The following ST6GALNAC3 variants were observed in gnomAD, a reference collection of about 807,000 sequenced individuals.
ST6GALNAC3 encodes alpha-N-acetylgalactosaminide alpha-2,6-sialyltransferase 3.
Under a neutral mutation model 32.7 loss-of-function variants are expected in ST6GALNAC3, and 25 were observed. The observed-to-expected ratio is 0.76, with a 90% CI of 0.56 to 1.07. The LOEUF (loss-of-function observed/expected upper bound fraction) is 1.07, where lower values mean the gene tolerates loss of function less well. ST6GALNAC3 is among the 50% of genes least tolerant of loss of function. ST6GALNAC3 has a pLI of 0.00. For synonymous variants in ST6GALNAC3, 129 were observed against 133.1 expected, an observed-to-expected ratio of 0.97 and a Z score of 0.21; for missense variants, 355 against 382.4, an observed-to-expected ratio of 0.93 and a Z score of 0.60.
intron 1 of ST6GALNAC3, 97 bp downstream of exon 1, chr1:76,074,981 A>C: frequency 1.8e-5 from 26 of 1,447,838 alleles, no homozygotes; most frequent in Non-Finnish European, 2.4e-5. Flanking sequence ...TCCTCATCTC[A>C]GTTGTCTTTT....
chr1:76,268,686 A>G (rs1352095637), intron 1 of ST6GALNAC3, among the ~76,000 whole-genome samples: 1 of 152,222 alleles, frequency 6.6e-6, no homozygotes, highest in East Asian at 1.9e-4. Context: ...ATACTTGAGG[A>G]AGCAAAGTAG....
intron 1 of ST6GALNAC3, among the ~76,000 whole-genome samples, chr1:76,188,902 C>A (rs1653733814): frequency 6.6e-6 from 1 of 152,192 alleles, no homozygotes; most frequent in African/African-American, 2.4e-5. Context: ...CTGCACACTT[C>A]AATCCCATGC....
At chr1:76,572,101 G>A (rs1330764001) in intron 3 of ST6GALNAC3, among the ~76,000 whole-genome samples, 3 of 150,278 alleles carry the variant, frequency 2.0e-5, no homozygotes, top group Admixed American at 2.0e-4. Flanking sequence ...ATTCAGAATT[G>A]TTGCTATCAT....
intron 3 of ST6GALNAC3, among the ~76,000 whole-genome samples, chr1:76,534,625 C>T (rs1321584695): frequency 6.6e-6 from 1 of 152,182 alleles, no homozygotes; most frequent in East Asian, 1.9e-4. Context: ...TCCTACTCCA[C>T]CCAACACTAC....
At chr1:76,381,470 TG>T (rs1358204773) in intron 2 of ST6GALNAC3, among the ~76,000 whole-genome samples, 4 of 152,152 alleles carry the variant, frequency 2.6e-5, no homozygotes, top group Non-Finnish European at 5.9e-5. Flanking sequence ...TATTTAGTGA[TG>T]TCTGCTATTT....
chr1:76,525,807 A>G (rs558253864), intron 3 of ST6GALNAC3, among the ~76,000 whole-genome samples: 2,311 of 128,388 alleles, frequency 0.018, 178 homozygotes, highest in Non-Finnish European at 0.028. Context: ...ATATATATAT[A>G]TATATATATA....
chr1:76,408,871 A>G (rs1391188169), intron 2 of ST6GALNAC3, among the ~76,000 whole-genome samples: 1 of 152,108 alleles, frequency 6.6e-6, no homozygotes, highest in Non-Finnish European at 1.5e-5. Context: ...CCCCCGCACC[A>G]TATGCATCTT....
intron 3 of ST6GALNAC3, among the ~76,000 whole-genome samples, chr1:76,548,367 A>C (rs777570293): frequency 1.3e-4 from 20 of 152,140 alleles, no homozygotes; most frequent in Non-Finnish European, 5.9e-5. Context: ...GAAGTCCATA[A>C]GCACATAGTT....
intron 2 of ST6GALNAC3, among the ~76,000 whole-genome samples, chr1:76,321,575 C>T (rs1646967254): frequency 6.6e-6 from 1 of 152,190 alleles, no homozygotes; most frequent in Admixed American, 6.5e-5. Flanking sequence ...AAACAAGGTG[C>T]CATCTGAAGG....
chr1:76,249,238 A>G (rs369031469), intron 1 of ST6GALNAC3, among the ~76,000 whole-genome samples: 4 of 152,304 alleles, frequency 2.6e-5, no homozygotes, highest in African/African-American at 9.6e-5. Context: ...CTAAGTATCT[A>G]TTAATAGACA....
intron 1 of ST6GALNAC3, among the ~76,000 whole-genome samples, chr1:76,119,761 AGGTGCCCTCCAG>A (rs1374416231): frequency 8.5e-5 from 13 of 152,354 alleles, no homozygotes; most frequent in African/African-American, 2.9e-4. Context: ...GTCCTATGCT[AGGTGCCCTCCAG>A]GGATTGTAAT....
At chr1:76,556,199 A>G (rs1276108443) in intron 3 of ST6GALNAC3, among the ~76,000 whole-genome samples, 3 of 152,114 alleles carry the variant, frequency 2.0e-5, no homozygotes, top group Non-Finnish European at 4.4e-5. Context: ...CATAGTATGT[A>G]TCTGTACTTC....
At chr1:76,156,234 G>A (rs1174640864) in intron 1 of ST6GALNAC3, among the ~76,000 whole-genome samples, 1 of 152,146 alleles carries the variant, frequency 6.6e-6, no homozygotes, top group Non-Finnish European at 1.5e-5. Flanking sequence ...GATGTTGAAC[G>A]TCATCACCTC....
intron 3 of ST6GALNAC3, among the ~76,000 whole-genome samples, chr1:76,463,792 G>A (rs2101604473): frequency 6.6e-6 from 1 of 152,162 alleles, no homozygotes; most frequent in East Asian, 1.9e-4. Flanking sequence ...GACCTGTGAG[G>A]CTGGTCAATA....
At chr1:76,087,463 A>G (rs972023291) in intron 1 of ST6GALNAC3, among the ~76,000 whole-genome samples, 3 of 152,212 alleles carry the variant, frequency 2.0e-5, no homozygotes, top group Admixed American at 6.5e-5. Flanking sequence ...GGTAGAGAGA[A>G]TGGAGATAAA....
intron 1 of ST6GALNAC3, among the ~76,000 whole-genome samples, chr1:76,113,151 C>A (rs1278931909): frequency 6.6e-6 from 1 of 152,104 alleles, no homozygotes; most frequent in Non-Finnish European, 1.5e-5. Flanking sequence ...GCCCGGCCAA[C>A]ACAGCGAAAC....
Position 76,423,867 on chromosome 1 carries a change from T to A in ST6GALNAC3, c.623+11450T>A, listed in dbSNP as rs77701298. ...AGAAGGGGATATAGTTGGGAGCTTT[T>A]GGGAAGGATTGTCAATCTATCTTAA... is the stretch of plus-strand genomic sequence containing the variant. On this transcript the variant is annotated intron_variant, in intron 3 of 4. Coordinates refer to ENST00000328299, the MANE Select transcript of ST6GALNAC3 (RefSeq NM_152996.4). Among the ~76,000 whole-genome samples the A allele has an allele frequency of 8.8e-4, 134 of 152,072 alleles. 3 individuals are homozygous for A. The East Asian group carries it at 0.025, about 28-fold the overall frequency.
At chr1:76,238,906 A>G (rs1468985333) in intron 1 of ST6GALNAC3, among the ~76,000 whole-genome samples, 1 of 150,172 alleles carries the variant, frequency 6.7e-6, no homozygotes, top group Admixed American at 6.6e-5. Context: ...GACAGTTTAG[A>G]TAAGCAGCCT....
chr1:76,257,687 G>A (rs1657996430), intron 1 of ST6GALNAC3, among the ~76,000 whole-genome samples: 1 of 151,814 alleles, frequency 6.6e-6, no homozygotes, highest in Non-Finnish European at 1.5e-5. Context: ...CCATCTATTT[G>A]GCCTGTACCC....
Sources: gnomAD v4.1 joint callset for allele counts (sites outside exome capture counted in the v4.1 genomes callset) on GRCh38, gnomAD v4.1.1 for gene constraint, MANE v1.5 for transcripts, NCBI Gene and HGNC (gene_info 2026-07-23, HGNC 2026-07-21) for gene names.